CFAP74: variants seen among roughly 807,000 people sequenced by gnomAD.
The protein encoded by CFAP74 is cilia and flagella associated protein 74.
Under a neutral mutation model 188.9 loss-of-function variants are expected in CFAP74, and 124 were observed. That is an observed-to-expected ratio of 0.66 (90% confidence interval 0.57 to 0.76). The LOEUF (loss-of-function observed/expected upper bound fraction) is 0.76, where lower values mean the gene tolerates loss of function less well. CFAP74 is among the 30% of genes least tolerant of loss of function. CFAP74 has a pLI of 0.00. For synonymous variants in CFAP74, 956 were observed against 916.7 expected, an observed-to-expected ratio of 1.04 and a Z score of -0.77; for missense variants, 2,198 against 2,165.2, an observed-to-expected ratio of 1.02 and a Z score of -0.30.
In CFAP74 at chr1:1,925,913, G is replaced by T; in HGVS notation, c.3974C>A (p.Thr1325Asn). The T allele has an allele frequency of 6.2e-7, 1 of 1,611,590 alleles. No individual in the cohort carries two copies. The change falls in exon 33 of 39, where the codon ACC becomes AAC. Residue 1325 changes from threonine to asparagine, a missense_variant. By Grantham distance (65) the Thr-to-Asn change is moderately conservative. Coordinates refer to ENST00000682832, the MANE Select transcript of CFAP74 (RefSeq NM_001304360.2). ...GGTGAGGGTGAGCGTGCCTCTCTTG[G>T]TGATGATGTCCAGTGTTTCTTGAGC... ...ILAQETLDIITKRGTLTLTLM... is the reference protein window; with the variant it reads ...ILAQETLDIINKRGTLTLTLM...
chr1:1,978,449 A>G (rs914504907), intron 6 of CFAP74, among the ~76,000 whole-genome samples: 2 of 151,892 alleles, frequency 1.3e-5, no homozygotes, highest in Non-Finnish European at 2.9e-5. Context: ...GCGGTGGTTA[A>G]TTGATTTTGG....
chr1:1,994,011 A>C (rs569660428), intron 1 of CFAP74, among the ~76,000 whole-genome samples: 1 of 151,748 alleles, frequency 6.6e-6, no homozygotes, highest in East Asian at 1.9e-4. Context: ...TAAAAATAAA[A>C]AAATGTAGCC....
In CFAP74 at chr1:1,981,472, G is replaced by A. The variant is rs368263441; in HGVS notation, c.500+3914C>T. Among the ~76,000 whole-genome samples, 592 of 81,556 alleles carry A rather than the reference G, an allele frequency of 7.3e-3. 16 individuals are homozygous for A. Among genetic ancestry groups the A allele is most frequent in the Non-Finnish European group, 7.6e-3 (269 of 35,202 alleles). The allele number at this position is 81,556 out of a possible 152,430, so 53.5% of individuals were successfully genotyped here. A position where few individuals can be genotyped will look rare whatever the true frequency, so the allele number is the denominator to read the frequency against. On this transcript the variant is annotated intron_variant, in intron 6 of 38. Coordinates refer to ENST00000682832, the MANE Select transcript of CFAP74 (RefSeq NM_001304360.2). ...ACGGGGGCACGCAGGACACCCAGCC[G>A]CGGTCACACGCGGGGGCACGCAGGA... is the stretch of plus-strand genomic sequence containing the variant.
intron 14 of CFAP74, among the ~76,000 whole-genome samples, chr1:1,961,211 A>C (rs1046534456): frequency 5.3e-5 from 8 of 152,318 alleles, no homozygotes; most frequent in East Asian, 1.9e-4. Flanking sequence ...GCAGAGCCGG[A>C]GAATGAATGG....
At chr1:2,000,609 G>C (rs1054564345) in intron 1 of CFAP74, among the ~76,000 whole-genome samples, 1 of 152,220 alleles carries the variant, frequency 6.6e-6, no homozygotes, top group African/African-American at 2.4e-5. Flanking sequence ...AGGCACGAGG[G>C]AAGGGCCTGT....
chr1:1,989,891 G>A (rs1657471417), intron 2 of CFAP74, among the ~76,000 whole-genome samples: 1 of 152,200 alleles, frequency 6.6e-6, no homozygotes, highest in South Asian at 2.1e-4. Flanking sequence ...GTCCCTTAGT[G>A]TCCTTCAGGG....
In CFAP74 at chr1:1,968,898, A is replaced by G; in HGVS notation, c.1047-65T>C. The G allele has an allele frequency of 6.6e-7, 1 of 1,520,542 alleles. No individual in the cohort carries two copies. The highest frequency in any genetic ancestry group is 9.0e-7 in the Non-Finnish European group (1 of 1,107,868). The allele number at this position is 1,520,542 out of a possible 1,614,324, so 94.2% of individuals were successfully genotyped here. ...CTGCCTCCACCTTGCCCCAGATGAG[A>G]CAGTGCCCGGCGGCCCCTCCCTAGC... On this transcript the variant is annotated intron_variant, in intron 10 of 38. Coordinates refer to ENST00000682832, the MANE Select transcript of CFAP74 (RefSeq NM_001304360.2). The surrounding 1 kb of genome is among the most constrained non-coding windows in gnomAD (Gnocchi z 4.3).
intron 20 of CFAP74, among the ~76,000 whole-genome samples, chr1:1,945,819 C>A (rs1411612637): frequency 7.0e-6 from 1 of 143,472 alleles, no homozygotes; most frequent in Non-Finnish European, 1.5e-5. Context: ...CAGAACGAGA[C>A]CCTAACTCAA....
intron 1 of CFAP74, among the ~76,000 whole-genome samples, chr1:1,999,294 G>T (rs1054566565): frequency 2.0e-5 from 3 of 152,156 alleles, no homozygotes; most frequent in African/African-American, 7.2e-5. Context: ...CAGGGTTGCT[G>T]AACAGCAGCC....
chr1:1,940,377 C>T lies in CFAP74; in HGVS notation c.2642G>A (p.Arg881Lys), dbSNP rs1262793164. The change falls in exon 23 of 39, where the codon AGG becomes AAG. Residue 881 changes from arginine (R) to lysine (K), a missense_variant. Transcript: ENST00000682832. ...PRHSLPEDAG[R>K]YFDKETRVLE... ...GACTCGGGTCTCCTTGTCAAAATAC[C>T]TCCCTGCGTCCTCCGGGAGGGAGTG... 4 of 1,534,842 alleles carry T rather than the reference C, an allele frequency of 2.6e-6. No homozygotes were observed. The highest frequency in any genetic ancestry group is 2.7e-5 in the African/African-American group (2 of 73,112).
chr1:1,959,860 C>T (rs1311946769), intron 15 of CFAP74, 104 bp downstream of exon 15: 2 of 963,150 alleles, frequency 2.1e-6, no homozygotes, highest in African/African-American at 1.7e-5. Flanking sequence ...CACTGAGAGG[C>T]CAAGTGCATC....
At chr1:1,971,667 A>C (rs1244354751) in intron 9 of CFAP74, among the ~76,000 whole-genome samples, 1 of 152,182 alleles carries the variant, frequency 6.6e-6, no homozygotes, top group Non-Finnish European at 1.5e-5. Context: ...CCTTGGCCCC[A>C]GGGCATGGCC....
intron 1 of CFAP74, among the ~76,000 whole-genome samples, chr1:1,992,050 A>T (rs1308282143): frequency 6.6e-6 from 1 of 152,058 alleles, no homozygotes; most frequent in Non-Finnish European, 1.5e-5. Flanking sequence ...AAAAAAAAAA[A>T]AATGCCTGAG....
At chr1:1,932,087 C>A (rs61459741) in intron 25 of CFAP74, among the ~76,000 whole-genome samples, 2,832 of 53,106 alleles carry the variant, frequency 0.053, 255 homozygotes, top group African/African-American at 0.085. Context: ...AAACAAAAAA[C>A]AAAAAACAAA....
chr1:1,970,507 G>A, intron 10 of CFAP74, 152 bp downstream of exon 10: 2 of 819,664 alleles, frequency 2.4e-6, no homozygotes, highest in Non-Finnish European at 1.9e-6. Flanking sequence ...GTAGCAGCCT[G>A]GAGCCCCTGT....
At chr1:1,987,933 T>G in intron 4 of CFAP74, 1 of 339,912 alleles carries the variant, frequency 2.9e-6, no homozygotes, top group South Asian at 2.2e-5. Context: ...GGTGCCCGAG[T>G]TATGGGCAAG....
chr1:1,922,893 A>C, intron 37 of CFAP74, 92 bp downstream of exon 37: 2 of 1,494,584 alleles, frequency 1.3e-6, no homozygotes, highest in African/African-American at 1.4e-5. Flanking sequence ...GGACAAGCCC[A>C]GTGAGGGGCA....
At chr1:1,981,903 A>G (rs1570971197) in intron 6 of CFAP74, among the ~76,000 whole-genome samples, 1 of 68,058 alleles carries the variant, frequency 1.5e-5, no homozygotes, top group East Asian at 6.1e-4. Flanking sequence ...GCGGACAGAC[A>G]CGGGGGCACG....
At chr1:1,989,740 C>T (rs937057271) in intron 2 of CFAP74, among the ~76,000 whole-genome samples, 11 of 152,194 alleles carry the variant, frequency 7.2e-5, no homozygotes, top group African/African-American at 1.7e-4. Context: ...GGATGACAGG[C>T]GTGGGCCACC....
Sources: allele counts gnomAD v4.1 joint callset (sites outside exome capture counted in the v4.1 genomes callset), GRCh38; gene constraint gnomAD v4.1.1; non-coding constraint Gnocchi (gnomAD v3.1); transcripts MANE v1.5; gene names NCBI Gene and HGNC (gene_info 2026-07-23, HGNC 2026-07-21).